The following RETREG1 variants were observed in gnomAD, a reference collection of about 807,000 sequenced individuals.
The protein encoded by RETREG1 is reticulophagy regulator 1, also known as family with sequence similarity 134 member B.
A neutral mutation model predicts 54.8 loss-of-function variants in RETREG1; 44 were observed. That is an observed-to-expected ratio of 0.80 (90% CI 0.63 to 1.03). The LOEUF is 1.03. RETREG1 is among the 50% of genes least tolerant of loss of function. The pLI, the probability that RETREG1 is intolerant of heterozygous loss-of-function variation, is 0.00. For synonymous variants in RETREG1, 217 were observed against 238.5 expected (o/e 0.91, Z 0.83); for missense variants, 554 against 605.1 (o/e 0.92, Z 0.89).
chr5:16,485,557 G>A (rs1738982973), intron 3 of RETREG1, among the ~76,000 whole-genome samples: 2 of 152,138 alleles, frequency 1.3e-5, no homozygotes, highest in African/African-American at 4.8e-5. Context: ...TCTTGGAAAT[G>A]ACACCATATC....
chr5:16,505,351 C>A (rs752755379), intron 3 of RETREG1, among the ~76,000 whole-genome samples: 2 of 152,164 alleles, frequency 1.3e-5, no homozygotes, highest in African/African-American at 2.4e-5. Context: ...TCCCACACGA[C>A]CATTTTAAGT....
intron 5 of RETREG1, among the ~76,000 whole-genome samples, chr5:16,479,810 G>A (rs16868670): frequency 0.2 from 29,859 of 152,004 alleles, 3,309 homozygotes; most frequent in South Asian, 0.34. Flanking sequence ...AATGTCTCTA[G>A]AGGCCAAGAA....
intron 4 of RETREG1, 59 bp downstream of exon 4, chr5:16,483,287 T>A: frequency 6.3e-7 from 1 of 1,588,420 alleles, no homozygotes. Context: ...AATAGGTTAG[T>A]TCATTTGTTT....
At chr5:16,517,429 C>T (rs746810073) in intron 3 of RETREG1, among the ~76,000 whole-genome samples, 5 of 152,094 alleles carry the variant, frequency 3.3e-5, no homozygotes, top group Non-Finnish European at 5.9e-5. Flanking sequence ...GGAGCTGGCT[C>T]CTAGAATACA....
At chr5:16,495,792 C>T (rs559445871) in intron 3 of RETREG1, among the ~76,000 whole-genome samples, 1 of 117,604 alleles carries the variant, frequency 8.5e-6, no homozygotes, top group Non-Finnish European at 1.8e-5. Context: ...CAGAGCGAGA[C>T]TCTGTCTCAA....
At chr5:16,611,274 G>A (rs933926039) in intron 1 of RETREG1, among the ~76,000 whole-genome samples, 1 of 152,136 alleles carries the variant, frequency 6.6e-6, no homozygotes, top group Non-Finnish European at 1.5e-5. Context: ...GGAGTGGGGA[G>A]GGATAGCATT....
intron 3 of RETREG1, among the ~76,000 whole-genome samples, chr5:16,550,347 T>C (rs985277924): frequency 1.3e-5 from 2 of 152,158 alleles, no homozygotes; most frequent in South Asian, 4.1e-4. Flanking sequence ...GTTCCTCCCT[T>C]AGAAGCAATG....
chr5:16,583,588 A>G (rs1242337190), intron 1 of RETREG1, among the ~76,000 whole-genome samples: 1 of 152,124 alleles, frequency 6.6e-6, no homozygotes, highest in African/African-American at 2.4e-5. Flanking sequence ...TTACTCCATG[A>G]TGAGTTTTGC....
chr5:16,611,493 G>T (rs757316438), intron 1 of RETREG1, among the ~76,000 whole-genome samples: 22 of 152,040 alleles, frequency 1.4e-4, no homozygotes, highest in African/African-American at 5.3e-4. Context: ...TCAATACAGC[G>T]ATCAGCAAGA....
At chr5:16,530,857 G>A (rs543196787) in intron 3 of RETREG1, among the ~76,000 whole-genome samples, 16 of 150,120 alleles carry the variant, frequency 1.1e-4, no homozygotes, top group African/African-American at 2.4e-4. Flanking sequence ...GCAAGACTCC[G>A]TCTCAAAAAA....
intron 3 of RETREG1, among the ~76,000 whole-genome samples, chr5:16,496,146 A>G (rs1334548425): frequency 6.6e-6 from 1 of 152,214 alleles, no homozygotes; most frequent in Non-Finnish European, 1.5e-5. Context: ...AGTATTAGCA[A>G]CTTACTCTTA....
At chr5:16,565,719 C>T (rs986789419) in intron 3 of RETREG1, 44 bp downstream of exon 3, 31 of 1,609,286 alleles carry the variant, frequency 1.9e-5, no homozygotes, top group Non-Finnish European at 2.6e-5. Context: ...TCCCCTCCCT[C>T]ACCCTCCCTC....
At chr5:16,514,836 T>C (rs901886056) in intron 3 of RETREG1, among the ~76,000 whole-genome samples, 2 of 151,258 alleles carry the variant, frequency 1.3e-5, no homozygotes, top group African/African-American at 2.4e-5. Context: ...TCCAACTCCA[T>C]CCAGGTTGCT....
chr5:16,516,550 C>T lies in RETREG1; in HGVS notation c.459-33078G>A, dbSNP rs182197753. The stretch of plus-strand genomic sequence containing the variant: ...AGCACCCGCATCTTAGCACATTTCC[C>T]CCAAACATTTCTGGTACAAGTGAAG... On this transcript the variant is annotated intron_variant, in intron 3 of 8. Coordinates refer to ENST00000306320, the MANE Select transcript of RETREG1 (RefSeq NM_001034850.3). Among the ~76,000 whole-genome samples, 5 of 152,308 alleles carry T rather than the reference C, an allele frequency of 3.3e-5. No homozygotes were observed. The East Asian group carries it at 9.7e-4, about 29-fold the overall frequency.
chr5:16,552,839 C>T (rs1238747851), intron 3 of RETREG1, among the ~76,000 whole-genome samples: 1 of 152,202 alleles, frequency 6.6e-6, no homozygotes, highest in African/African-American at 2.4e-5. Flanking sequence ...GTACTAATCA[C>T]ACTTTGGAGC....
At chr5:16,612,062 C>A (rs1331686884) in intron 1 of RETREG1, among the ~76,000 whole-genome samples, 9 of 105,242 alleles carry the variant, frequency 8.6e-5, no homozygotes, top group Non-Finnish European at 1.4e-4. Flanking sequence ...GAGACTCCGT[C>A]TCAAAAAAAA....
At chr5:16,541,765 G>C (rs1741257267) in intron 3 of RETREG1, among the ~76,000 whole-genome samples, 1 of 148,992 alleles carries the variant, frequency 6.7e-6, no homozygotes, top group Non-Finnish European at 1.5e-5. Context: ...AGGAAGGAAG[G>C]AAGGAAGGAA....
chr5:16,508,663 C>T (rs1332887600), intron 3 of RETREG1: 11 of 1,613,496 alleles, frequency 6.8e-6, no homozygotes, highest in Non-Finnish European at 9.3e-6. Context: ...CACCTGCTAA[C>T]CACGGCTAAT....
chr5:16,582,803 C>T (rs911926868), intron 1 of RETREG1, among the ~76,000 whole-genome samples: 2 of 152,118 alleles, frequency 1.3e-5, no homozygotes, highest in Admixed American at 6.5e-5. Flanking sequence ...TCAGAAGCCC[C>T]GAGAGTGAGG....
Sources: gnomAD v4.1 joint callset for allele counts (sites outside exome capture counted in the v4.1 genomes callset) on GRCh38, gnomAD v4.1.1 for gene constraint, MANE v1.5 for transcripts, NCBI Gene and HGNC (gene_info 2026-07-23, HGNC 2026-07-21) for gene names.